FAM151A: variants seen among roughly 807,000 people sequenced by gnomAD.
FAM151A encodes protein FAM151A.
In FAM151A, 41 loss-of-function variants were observed where a neutral mutation model predicts 40.4. The ratio of observed to expected loss-of-function variants is 1.01; its 90% CI spans 0.79 to 1.32. FAM151A has a LOEUF of 1.32. FAM151A is among the 40% of genes most tolerant of loss of function. FAM151A has a pLI of 0.00. For synonymous variants in FAM151A, 337 were observed against 312.5 expected, an observed-to-expected ratio of 1.08 and a Z score of -0.83; for missense variants, 740 against 740.4, an observed-to-expected ratio of 1.00 and a Z score of 0.01.
At chr1:54,613,563 T>G (rs900529262) in intron 4 of FAM151A, among the ~76,000 whole-genome samples, 3 of 152,126 alleles carry the variant, frequency 2.0e-5, no homozygotes, top group African/African-American at 7.2e-5. Context: ...ACTGGGATTA[T>G]AGGTGTGAGC....
rs1294729570 is a variant in FAM151A at position 54,609,283 on chromosome 1, A to G, written c.1743T>C (p.His581=). The part of the protein sequence containing the change: ...PQGYHKDLLA[H]VGRN ...CCCTGGGTGCTCAGTTTCTACCAAC[A>G]TGAGCCAGCAAGTCCTTGTGGTAGC... Residue 581 remains histidine (H), a synonymous_variant, in exon 8 of 8, where the codon CAT becomes CAC. Transcript: ENST00000302250. 1.2e-6 allele frequency: 2 copies of G among 1,605,924 alleles called. No individual in the cohort carries two copies. Among genetic ancestry groups the G allele is most frequent in the Non-Finnish European group, 8.5e-7 (1 of 1,174,160 alleles).
chr1:54,622,977 C>T (rs1293802258), intron 1 of FAM151A, among the ~76,000 whole-genome samples: 1 of 151,866 alleles, frequency 6.6e-6, no homozygotes, highest in African/African-American at 2.4e-5. Context: ...GAGTTCGAGA[C>T]CAGCCTGGCC....
chr1:54,616,454 C>T (rs907005495), intron 2 of FAM151A, among the ~76,000 whole-genome samples: 1 of 151,988 alleles, frequency 6.6e-6, no homozygotes, highest in Non-Finnish European at 1.5e-5. Flanking sequence ...AGCTCCACCT[C>T]CCAGTTTCAA....
rs371294069 is a variant in FAM151A, at chr1:54,610,509, G to A, written c.987C>T (p.Ile329=). The change falls in exon 7 of 8, where the codon ATC becomes ATT. Residue 329 remains isoleucine (I), a synonymous_variant. Coordinates refer to ENST00000302250, the MANE Select transcript of FAM151A (RefSeq NM_176782.3). The part of the protein sequence containing the change: ...KPMYYTGGSL[I]PLLQLPGDDG... ...CATCCCCAGGCAGCTGGAGAAGAGGGATCAGGCTGCCTCCCGTGTAGTACA... is the reference window on the plus strand; with the variant it reads ...CATCCCCAGGCAGCTGGAGAAGAGGAATCAGGCTGCCTCCCGTGTAGTACA... 5.6e-6 allele frequency: 9 copies of A among 1,613,608 alleles called. 1 individual carries two copies. Among genetic ancestry groups the A allele is most frequent in the Middle Eastern group, 1.7e-4 (1 of 6,050 alleles).
At chr1:54,613,816 GAAGCAC>G (rs923457099) in intron 4 of FAM151A, among the ~76,000 whole-genome samples, 11 of 152,172 alleles carry the variant, frequency 7.2e-5, no homozygotes, top group Non-Finnish European at 1.0e-4. Context: ...CTCAGCTTGA[GAAGCAC>G]AATAATAAAT....
In FAM151A at chr1:54,623,473, G is replaced by C; in HGVS notation, c.-78C>G. The C allele has an allele frequency of 9.4e-7, 1 of 1,060,932 alleles. No individual in the cohort carries two copies. Among genetic ancestry groups the C allele is most frequent in the East Asian group, 2.4e-5 (1 of 42,288 alleles). 65.7% of individuals were successfully genotyped at this position (1,060,932 alleles called of 1,614,324 possible). A position where few individuals can be genotyped will look rare whatever the true frequency, so the allele number is the denominator to read the frequency against. The stretch of plus-strand genomic sequence containing the variant: ...GGCTCCCTGCAGCTGGAATCCTGTG[G>C]GAGGCAGGAGCTCCCAGCAGCACCT... On this transcript the variant is annotated 5_prime_UTR_variant, in exon 1 of 8. Coordinates refer to ENST00000302250, the MANE Select transcript of FAM151A (RefSeq NM_176782.3).
In FAM151A at chr1:54,614,956, A is replaced by ATGTGTGTG. The variant is rs1359535949; in HGVS notation, c.416-98_416-97insCACACACA. The ATGTGTGTG allele has an allele frequency of 2.5e-4, 286 of 1,130,152 alleles. 2 individuals are homozygous for ATGTGTGTG. The highest frequency in any genetic ancestry group is 3.4e-4 in the African/African-American group (23 of 66,728). 70.0% of individuals were successfully genotyped at this position (1,130,152 alleles called of 1,614,324 possible). A position where few individuals can be genotyped will look rare whatever the true frequency, so the allele number is the denominator to read the frequency against. Reference sequence around the variant, plus strand: ...GCAGAGCGGGTGTGTGTGTGTGTGCATGTGCGTGCACAGTGGAGTCAGGGG... The same window carrying ATGTGTGTG: ...GCAGAGCGGGTGTGTGTGTGTGTGCATGTGTGTGTGTGCGTGCACAGTGGAGTCAGGGG... On this transcript the variant is annotated intron_variant, in intron 3 of 7. Coordinates refer to ENST00000302250, the MANE Select transcript of FAM151A (RefSeq NM_176782.3).
At chr1:54,617,260 A>C (rs1170743400) in intron 2 of FAM151A, among the ~76,000 whole-genome samples, 4 of 152,100 alleles carry the variant, frequency 2.6e-5, no homozygotes, top group Non-Finnish European at 4.4e-5. Context: ...ACACTTGAAG[A>C]GTGTAGTGGA....
Position 54,623,318 on chromosome 1 carries a change from G to T in FAM151A, c.78C>A (p.Val26=), listed in dbSNP as rs373068281. The T allele has an allele frequency of 5.6e-5, 91 of 1,613,948 alleles. No homozygotes were observed. Among genetic ancestry groups the T allele is most frequent in the Non-Finnish European group, 7.6e-5 (90 of 1,180,016 alleles). Residue 26 remains valine (V), a synonymous_variant, in exon 1 of 8, where the codon GTC becomes GTA. Transcript: ENST00000302250. ...FAGITCVSVV[V]IAAIVLAITL... is the part of the protein sequence containing the mutation. ...TGATGGCAAGGACTATTGCGGCAAT[G>T]ACCACCACAGACACACAGGTAATGC...
intron 2 of FAM151A, among the ~76,000 whole-genome samples, chr1:54,619,491 G>A (rs988317995): frequency 3.3e-5 from 5 of 152,156 alleles, no homozygotes; most frequent in African/African-American, 1.2e-4. Context: ...TGTAATGTGC[G>A]CCCAGTGAGC....
At chr1:54,619,825 C>T (rs776582290) in intron 2 of FAM151A, 39 bp downstream of exon 2, 7 of 1,606,620 alleles carry the variant, frequency 4.4e-6, no homozygotes, top group East Asian at 2.2e-5. Context: ...TTCTCTATCC[C>T]TTGCCCTGGC....
In FAM151A at chr1:54,611,736, C is replaced by T. The variant is rs1344863749; in HGVS notation, c.810G>A (p.Leu270=). ...GGTCCGAGGCAGCCTGCCACAGCGT[C>T]AGGCTGTACCTGGGGACACGAGAGC... ...WLLSQSERYS[L]TLWQAASDPM... The change falls in exon 6 of 8, where the codon CTG becomes CTA. Residue 270 remains leucine, a synonymous_variant. Coordinates refer to ENST00000302250, the MANE Select transcript of FAM151A (RefSeq NM_176782.3). 1.2e-6 allele frequency: 2 copies of T among 1,614,022 alleles called. No homozygotes were observed. Among genetic ancestry groups the T allele is most frequent in the Non-Finnish European group, 1.7e-6 (2 of 1,180,018 alleles).
intron 2 of FAM151A, 96 bp downstream of exon 2, chr1:54,619,768 T>C: frequency 1.5e-6 from 2 of 1,309,604 alleles, no homozygotes; most frequent in South Asian, 2.6e-5. Flanking sequence ...ACAGCCATCA[T>C]GCCACCACAG....
chr1:54,616,305 A>G lies in FAM151A; in HGVS notation c.263-133T>C, dbSNP rs1644172696. 4 of 755,102 alleles carry G rather than the reference A, an allele frequency of 5.3e-6. No homozygotes were observed. The African/African-American group carries it at 7.0e-5, about 13-fold the overall frequency. 46.8% of individuals were successfully genotyped at this position (755,102 alleles called of 1,614,324 possible). ...GTGGAAGAGGAAAATATTCACCCAC[A>G]CTTCCATCATAGTTTCACATTTCGA... is the stretch of plus-strand genomic sequence containing the variant. On this transcript the variant is annotated intron_variant, in intron 2 of 7. Transcript: ENST00000302250.
At chr1:54,618,270 G>A (rs377568575) in intron 2 of FAM151A, among the ~76,000 whole-genome samples, 8 of 152,270 alleles carry the variant, frequency 5.3e-5, no homozygotes, top group African/African-American at 1.9e-4. Flanking sequence ...TTGGGAGCCC[G>A]AGAAGGGCGG....
intron 5 of FAM151A, among the ~76,000 whole-genome samples, chr1:54,612,110 G>A (rs1644124849): frequency 6.7e-6 from 1 of 149,498 alleles, no homozygotes; most frequent in Admixed American, 6.7e-5. Flanking sequence ...GAAGGTAGGG[G>A]GTATAGTGGG....
At position 54,623,432 on chromosome 1, in the gene FAM151A, G is replaced by A. The variant is rs201664316; in HGVS notation, c.-37C>T. On this transcript the variant is annotated 5_prime_UTR_variant, in exon 1 of 8. Coordinates refer to ENST00000302250, the MANE Select transcript of FAM151A (RefSeq NM_176782.3). ...CTGGGGAATGCCCCCAACTCCGTGC[G>A]GCCCAGAGTCCCTGAGGCTCCCTGC... The A allele has an allele frequency of 1.9e-3, 2,816 of 1,518,452 alleles. 10 individuals are homozygous for A. The highest frequency in any genetic ancestry group is 3.5e-3 in the South Asian group (306 of 88,018). The allele number at this position is 1,518,452 out of a possible 1,614,324, so 94.1% of individuals were successfully genotyped here.
At position 54,616,014 on chromosome 1, in the gene FAM151A, C is replaced by A. The variant is rs748308425; in HGVS notation, c.415+6G>T. Reference sequence around the variant, plus strand: ...GGCCGGAGAGGGTTTCCAGAGAGGCCCTTACCCTTTTGGGAAGAGCCCAGC... The same window carrying A: ...GGCCGGAGAGGGTTTCCAGAGAGGCACTTACCCTTTTGGGAAGAGCCCAGC... On this transcript the variant is annotated splice_donor_region_variant and intron_variant, in intron 3 of 7. Coordinates refer to ENST00000302250, the MANE Select transcript of FAM151A (RefSeq NM_176782.3). 3 of 1,613,260 alleles carry A rather than the reference C, an allele frequency of 1.9e-6. No homozygotes were observed. The South Asian group carries it at 3.3e-5, about 18-fold the overall frequency.
At chr1:54,611,775 G>C (rs1644121609) in intron 5 of FAM151A, 30 bp from the exon 6 acceptor site, 2 of 1,613,050 alleles carry the variant, frequency 1.2e-6, no homozygotes, top group East Asian at 2.2e-5. Flanking sequence ...CTCAGTGCCT[G>C]TCTGGGCCCA....
Sources: allele counts gnomAD v4.1 joint callset (sites outside exome capture counted in the v4.1 genomes callset), GRCh38; gene constraint gnomAD v4.1.1; transcripts MANE v1.5; gene names NCBI Gene and HGNC (gene_info 2026-07-23, HGNC 2026-07-21).